MYO18B: variants seen among roughly 807,000 people sequenced by gnomAD.
The protein encoded by MYO18B is unconventional myosin-XVIIIb.
Under a neutral mutation model 273.0 loss-of-function variants are expected in MYO18B, and 204 were observed. The observed-to-expected ratio is 0.75, with a 90% confidence interval of 0.67 to 0.84. The LOEUF (loss-of-function observed/expected upper bound fraction) is 0.84. Ranked by LOEUF, MYO18B falls within the 40% of genes least tolerant of loss-of-function variation. MYO18B has a pLI of 0.00. For synonymous variants in MYO18B, 1,330 were observed against 1,305.7 expected, an observed-to-expected ratio of 1.02 and a Z score of -0.40; for missense variants, 3,212 against 3,287.6, an observed-to-expected ratio of 0.98 and a Z score of 0.56.
intron 39 of MYO18B, among the ~76,000 whole-genome samples, chr22:25,989,638 A>C (rs974734770): frequency 8.4e-6 from 1 of 119,352 alleles, no homozygotes; most frequent in South Asian, 3.0e-4. Flanking sequence ...AAAAAAAAAA[A>C]AAAAAAAAAA....
Position 25,985,228 on chromosome 22 carries a change from G to A in MYO18B, c.6157-7135G>A, listed in dbSNP as rs560953308. On this transcript the variant is annotated intron_variant, in intron 39 of 43. Coordinates refer to ENST00000335473, the MANE Select transcript of MYO18B (RefSeq NM_032608.7). ...ATACAAAAATTAGCCAGGCATAATGGCAGGTGCCTGTAATCCCAGCTGTTT... is the reference window on the plus strand; with the variant it reads ...ATACAAAAATTAGCCAGGCATAATGACAGGTGCCTGTAATCCCAGCTGTTT... 9.9e-5 allele frequency among the ~76,000 whole-genome samples: 15 copies of A among 152,218 alleles called. No homozygotes were observed. In the South Asian group the frequency reaches 3.1e-3, roughly 32 times the overall value.
chr22:25,839,194 GTA>G (rs555501976), intron 17 of MYO18B, among the ~76,000 whole-genome samples: 22 of 151,810 alleles, frequency 1.4e-4, no homozygotes, highest in Non-Finnish European at 2.2e-4. Context: ...GAGTGTGTTT[GTA>G]TATGTGTGCA....
At chr22:25,764,253 C>T (rs968245761) in intron 3 of MYO18B, among the ~76,000 whole-genome samples, 3 of 152,186 alleles carry the variant, frequency 2.0e-5, no homozygotes. Flanking sequence ...GTAAACTTGT[C>T]GCTGGTGGTG....
the MYO18B span, among the ~76,000 whole-genome samples, chr22:26,050,610 A>AATATGGAAGTG: frequency 6.6e-6 from 1 of 152,094 alleles, no homozygotes; most frequent in African/African-American, 2.4e-5. Flanking sequence ...GGCACGTAGG[A>AATATGGAAGTG]ATATGGAAGT....
At position 25,835,444 on chromosome 22, in the gene MYO18B, G is replaced by T; in HGVS notation, c.3208+1G>T. 2 of 1,613,756 alleles carry T rather than the reference G, an allele frequency of 1.2e-6. No individual in the cohort carries two copies. The highest frequency in any genetic ancestry group is 8.5e-7 in the Non-Finnish European group (1 of 1,179,878). ...GAGAAGAAAGGAGCTGGGACTGAAGGTAAGGAAGCAGGGGGCTGGGGATGG... is the reference window on the plus strand; with the variant it reads ...GAGAAGAAAGGAGCTGGGACTGAAGTTAAGGAAGCAGGGGGCTGGGGATGG... On this transcript the variant is annotated splice_donor_variant, in intron 17 of 43. Coordinates refer to ENST00000335473, the MANE Select transcript of MYO18B (RefSeq NM_032608.7). LOFTEE classifies it high-confidence loss of function.
chr22:26,017,640 A>G (rs1935466235), intron 42 of MYO18B, among the ~76,000 whole-genome samples: 1 of 152,264 alleles, frequency 6.6e-6, no homozygotes, highest in Non-Finnish European at 1.5e-5. Flanking sequence ...TTATTTTTCA[A>G]ATTTAATTTT....
intron 39 of MYO18B, among the ~76,000 whole-genome samples, chr22:25,968,028 A>G (rs1443121541): frequency 1.3e-5 from 2 of 152,078 alleles, no homozygotes; most frequent in East Asian, 1.9e-4. Flanking sequence ...CTCCCTTCCC[A>G]TTGCCTTGGA....
intron 38 of MYO18B, among the ~76,000 whole-genome samples, chr22:25,953,167 C>T (rs1028781217): frequency 4.6e-5 from 7 of 152,192 alleles, no homozygotes; most frequent in Admixed American, 2.0e-4. Flanking sequence ...CAGGTGTTCA[C>T]TTCTTCAGCT....
intron 39 of MYO18B, among the ~76,000 whole-genome samples, chr22:25,977,632 A>G (rs2093105748): frequency 6.6e-6 from 1 of 152,046 alleles, no homozygotes; most frequent in African/African-American, 2.4e-5. Context: ...GAGTGGAGAG[A>G]ATGAGGGGCA....
intron 39 of MYO18B, among the ~76,000 whole-genome samples, chr22:25,980,440 A>T (rs898143114): frequency 6.6e-6 from 1 of 152,116 alleles, no homozygotes; most frequent in Non-Finnish European, 1.5e-5. Context: ...ATAAGGGAGA[A>T]TCCTGGCAGG....
intron 12 of MYO18B, among the ~76,000 whole-genome samples, chr22:25,809,999 A>T (rs77258767): frequency 0.013 from 1,233 of 92,410 alleles, 14 homozygotes; most frequent in African/African-American, 0.058. Context: ...TAGAAAGTTT[A>T]AAAAAAAAAA....
chr22:25,996,296 CA>C (rs1202374205), intron 40 of MYO18B, among the ~76,000 whole-genome samples: 30 of 152,284 alleles, frequency 2.0e-4, no homozygotes, highest in African/African-American at 7.2e-4. Flanking sequence ...TGCATTCATT[CA>C]TTCATTCATT....
intron 1 of MYO18B, among the ~76,000 whole-genome samples, chr22:25,743,223 G>A (rs988733504): frequency 3.9e-5 from 6 of 152,248 alleles, no homozygotes; most frequent in Admixed American, 6.5e-5. Context: ...CTTTGTGGCT[G>A]TCCAAAAAGA....
At chr22:25,763,012 T>A in intron 2 of MYO18B, 1 of 727,604 alleles carries the variant, frequency 1.4e-6, no homozygotes, top group Non-Finnish European at 2.6e-6. Flanking sequence ...TTGACCCGCA[T>A]AATTCCTGGC....
At chr22:25,904,676 G>A (rs2092004742) in intron 31 of MYO18B, among the ~76,000 whole-genome samples, 1 of 152,084 alleles carries the variant, frequency 6.6e-6, no homozygotes, top group African/African-American at 2.4e-5. Context: ...TTGTCTGCTT[G>A]CTTATTTATG....
chr22:25,838,826 T>G (rs959466706), intron 17 of MYO18B, among the ~76,000 whole-genome samples: 2 of 152,156 alleles, frequency 1.3e-5, no homozygotes, highest in Non-Finnish European at 2.9e-5. Flanking sequence ...TGTGTATGTG[T>G]GTATGTCTGT....
intron 1 of MYO18B, among the ~76,000 whole-genome samples, chr22:25,757,417 G>A (rs1427777753): frequency 2.0e-5 from 3 of 151,758 alleles, no homozygotes; most frequent in African/African-American, 4.8e-5. Flanking sequence ...CCAACATGAC[G>A]AAACCCCATC....
the MYO18B span, among the ~76,000 whole-genome samples, chr22:26,060,151 C>A: frequency 2.6e-5 from 4 of 152,214 alleles, no homozygotes; most frequent in Admixed American, 6.5e-5. Context: ...GAACTATGGC[C>A]TGTGGGCCAC....
At chr22:25,967,331 T>A (rs1335724494) in intron 39 of MYO18B, among the ~76,000 whole-genome samples, 1 of 152,224 alleles carries the variant, frequency 6.6e-6, no homozygotes, top group African/African-American at 2.4e-5. Context: ...CCAGGGAGGC[T>A]TAGGAAGGTT....
Sources: allele counts gnomAD v4.1 joint callset (sites outside exome capture counted in the v4.1 genomes callset), GRCh38; gene constraint gnomAD v4.1.1; transcripts MANE v1.5; gene names NCBI Gene and HGNC (gene_info 2026-07-23, HGNC 2026-07-21).